The following PCDHGA5 variants were observed in gnomAD, a reference collection of about 807,000 sequenced individuals.
PCDHGA5 encodes the protein protocadherin gamma subfamily A, 5.
In PCDHGA5, 36 loss-of-function variants were observed where a neutral mutation model predicts 56.7. The observed-to-expected ratio is 0.64, with a 90% CI of 0.49 to 0.84. The LOEUF (loss-of-function observed/expected upper bound fraction) is 0.84. Ranked by LOEUF, PCDHGA5 falls within the 40% of genes least tolerant of loss-of-function variation. The pLI is 0.00. For synonymous variants in PCDHGA5, 563 were observed against 520.2 expected, an observed-to-expected ratio of 1.08 and a Z score of -1.12; for missense variants, 1,305 against 1,201.5, an observed-to-expected ratio of 1.09 and a Z score of -1.27.
intron 1 of PCDHGA5, among the ~76,000 whole-genome samples, chr5:141,450,777 G>A (rs907160074): frequency 1.3e-5 from 2 of 150,004 alleles, no homozygotes; most frequent in East Asian, 2.0e-4. Context: ...ATGAGCCACC[G>A]TGCCCGGACC....
At chr5:141,425,018 T>C (rs2096853023) in intron 1 of PCDHGA5, among the ~76,000 whole-genome samples, 1 of 152,224 alleles carries the variant, frequency 6.6e-6, no homozygotes, top group Non-Finnish European at 1.5e-5. Context: ...TTTAGGAATT[T>C]ACCTTATGTC....
rs537619617 is a variant in PCDHGA5 at position 141,483,429 on chromosome 5, C to G, written c.2422-11378C>G. On this transcript the variant is annotated intron_variant, in intron 1 of 3. Coordinates refer to ENST00000518069, the MANE Select transcript of PCDHGA5 (RefSeq NM_018918.3). ...ACAGTGGCAGTACAGATGGAGGGAGCTGACTACAATAAAATCATCAGGACT... is the reference window on the plus strand; with the variant it reads ...ACAGTGGCAGTACAGATGGAGGGAGGTGACTACAATAAAATCATCAGGACT... Among the ~76,000 whole-genome samples the G allele has an allele frequency of 5.3e-5, 8 of 152,158 alleles. No individual in the cohort carries two copies. In the East Asian group the frequency reaches 1.5e-3, roughly 29 times the overall value.
Position 141,383,152 on chromosome 5 carries a change from G to T in PCDHGA5, c.2421+16401G>T, listed in dbSNP as rs200500982. ...CCTGAACCAGCGCAGCGGCAGCTTG[G>T]TCACTGCGGGCAGGATAGACCGGGA... On this transcript the variant is annotated intron_variant, in intron 1 of 3. Coordinates refer to ENST00000518069, the MANE Select transcript of PCDHGA5 (RefSeq NM_018918.3). 3.1e-6 allele frequency: 5 copies of T among 1,614,006 alleles called. No homozygotes were observed. In the African/African-American group the frequency reaches 6.7e-5, roughly 22 times the overall value.
intron 1 of PCDHGA5, chr5:141,408,627 T>A: frequency 6.2e-7 from 1 of 1,613,916 alleles, no homozygotes; most frequent in Admixed American, 1.7e-5. Flanking sequence ...CATTTAGAAA[T>A]TTTCGAATCT....
chr5:141,425,943 C>A (rs2096904576), intron 1 of PCDHGA5, among the ~76,000 whole-genome samples: 1 of 152,220 alleles, frequency 6.6e-6, no homozygotes, highest in Non-Finnish European at 1.5e-5. Flanking sequence ...TGTCTAGTTT[C>A]CTATACATTA....
intron 1 of PCDHGA5, among the ~76,000 whole-genome samples, chr5:141,380,667 T>G (rs552117625): frequency 1.1e-4 from 16 of 152,362 alleles, no homozygotes; most frequent in African/African-American, 3.6e-4. Flanking sequence ...ATTTACTCCA[T>G]AGGGTATGTA....
chr5:141,365,680 C>A lies in PCDHGA5; in HGVS notation c.1350C>A (p.Pro450=), dbSNP rs1281360154. 1 of 1,613,514 alleles carries A rather than the reference C, an allele frequency of 6.2e-7. No individual in the cohort carries two copies. Among genetic ancestry groups the A allele is most frequent in the South Asian group, 1.1e-5 (1 of 91,042 alleles). Residue 450 remains proline, a synonymous_variant, in exon 1 of 4, where the codon CCC becomes CCA. Coordinates refer to ENST00000518069, the MANE Select transcript of PCDHGA5 (RefSeq NM_018918.3). The stretch of plus-strand genomic sequence containing the variant: ...TAGCAGACGTTAATGACAACCCACC[C>A]AATTTCCCTCAAGCCTCCTACTCCA... ...LKVADVNDNP[P]NFPQASYSTS... is the part of the protein sequence containing the mutation.
intron 3 of PCDHGA5, among the ~76,000 whole-genome samples, chr5:141,510,092 T>C (rs973542449): frequency 6.6e-6 from 1 of 152,138 alleles, no homozygotes; most frequent in South Asian, 2.1e-4. Flanking sequence ...TGGCACACAG[T>C]AGGTGCTCAA....
At chr5:141,459,245 C>G (rs1040972875) in intron 1 of PCDHGA5, among the ~76,000 whole-genome samples, 1 of 152,180 alleles carries the variant, frequency 6.6e-6, no homozygotes, top group African/African-American at 2.4e-5. Context: ...TGCTTCCTGT[C>G]ACTATAAATT....
At position 141,476,033 on chromosome 5, in the gene PCDHGA5, C is replaced by T; in HGVS notation, c.2422-18774C>T. On this transcript the variant is annotated intron_variant, in intron 1 of 3. Transcript: ENST00000518069. The surrounding 1 kb of genome is among the most constrained non-coding windows in gnomAD (Gnocchi z 7.6). The stretch of plus-strand genomic sequence containing the variant: ...GCCATGTCGGACTCGGCGCCCAGCG[C>T]CCAAGCGCTAACCCGCTGAAAGTTT... 6.8e-7 allele frequency: 1 copy of T among 1,469,590 alleles called. No individual in the cohort carries two copies. Among genetic ancestry groups the T allele is most frequent in the Non-Finnish European group, 9.0e-7 (1 of 1,105,326 alleles). 91.0% of individuals were successfully genotyped at this position (1,469,590 alleles called of 1,614,324 possible). A position where few individuals can be genotyped will look rare whatever the true frequency, so the allele number is the denominator to read the frequency against.
intron 2 of PCDHGA5, among the ~76,000 whole-genome samples, chr5:141,501,728 C>A (rs1284130771): frequency 1.3e-5 from 2 of 152,134 alleles, no homozygotes; most frequent in East Asian, 1.9e-4. Flanking sequence ...ATATATTACC[C>A]AGTCAGCTTA....
At chr5:141,425,822 A>G (rs1257213242) in intron 1 of PCDHGA5, among the ~76,000 whole-genome samples, 1 of 152,240 alleles carries the variant, frequency 6.6e-6, no homozygotes, top group Non-Finnish European at 1.5e-5. Context: ...GAAAAAAACA[A>G]ACTTTTAAAT....
rs751276470 is a variant in PCDHGA5, at chr5:141,431,560, C to A, written c.2422-63247C>A. 6.2e-7 allele frequency: 1 copy of A among 1,614,104 alleles called. No individual in the cohort carries two copies. On this transcript the variant is annotated intron_variant, in intron 1 of 3. Coordinates refer to ENST00000518069, the MANE Select transcript of PCDHGA5 (RefSeq NM_018918.3). This position sits in a 1 kb window ranked among gnomAD's most constrained non-coding sequence, Gnocchi z 4.8. ...CGCAGCTGCTTGTAGTCAACGCTAC[C>A]GACCCTGACGAAGGAGTCAATGCGG...
chr5:141,468,981 A>G (rs1209945826), intron 1 of PCDHGA5, among the ~76,000 whole-genome samples: 4 of 151,852 alleles, frequency 2.6e-5, no homozygotes, highest in East Asian at 1.9e-4. Context: ...TTTGACTTCC[A>G]AAATTATTGT....
At chr5:141,419,088 T>C in intron 1 of PCDHGA5, 3 of 1,613,940 alleles carry the variant, frequency 1.9e-6, no homozygotes, top group Non-Finnish European at 2.5e-6. Context: ...GATGAGGCCC[T>C]GGATCGGGAG....
intron 1 of PCDHGA5, among the ~76,000 whole-genome samples, chr5:141,480,290 C>T (rs1053173416): frequency 2.2e-5 from 3 of 134,088 alleles, no homozygotes; most frequent in Non-Finnish European, 4.7e-5. Flanking sequence ...TGGCATGCAC[C>T]TGTGGTACCA....
At chr5:141,395,478 T>G in intron 1 of PCDHGA5, 1 of 546,140 alleles carries the variant, frequency 1.8e-6, no homozygotes, top group Non-Finnish European at 3.1e-6. Context: ...CAGTATTTTA[T>G]TCCTATTATC....
intron 1 of PCDHGA5, among the ~76,000 whole-genome samples, chr5:141,466,637 A>G (rs944728391): frequency 1.1e-4 from 16 of 152,234 alleles, no homozygotes; most frequent in Admixed American, 8.5e-4. Flanking sequence ...CATTGTCTCC[A>G]TAAACTTTTC....
intron 1 of PCDHGA5, chr5:141,398,685 G>T: frequency 6.2e-7 from 1 of 1,613,966 alleles, no homozygotes; most frequent in Non-Finnish European, 8.5e-7. Flanking sequence ...AGGAGAAACA[G>T]GATGGTAGTA....
Sources: allele counts gnomAD v4.1 joint callset (sites outside exome capture counted in the v4.1 genomes callset), GRCh38; gene constraint gnomAD v4.1.1; non-coding constraint Gnocchi (gnomAD v3.1); transcripts MANE v1.5; gene names NCBI Gene and HGNC (gene_info 2026-07-23, HGNC 2026-07-21).